BCKDHB: variants seen among roughly 807,000 people sequenced by gnomAD.
The protein encoded by BCKDHB is branched chain keto acid dehydrogenase E1 subunit beta, also known as 2-oxoisovalerate dehydrogenase subunit beta, mitochondrial.
BCKDHB carries 41 observed loss-of-function variants against 48.5 expected under a neutral mutation model. The ratio of observed to expected loss-of-function variants is 0.85; its 90% CI spans 0.66 to 1.10. The LOEUF (loss-of-function observed/expected upper bound fraction) is 1.10. Ranked by LOEUF, BCKDHB falls within the 50% of genes least tolerant of loss-of-function variation. The probability of loss-of-function intolerance (pLI) is 0.00; values close to 1 mark genes in which losing one functional copy is unlikely to be tolerated. For synonymous variants in BCKDHB, 201 were observed against 174.8 expected (o/e 1.15, Z -1.18); for missense variants, 496 against 494.2 (o/e 1.00, Z -0.03).
chr6:80,465,021 G>A, the BCKDHB span, among the ~76,000 whole-genome samples: 5 of 152,180 alleles, frequency 3.3e-5, no homozygotes, highest in African/African-American at 1.2e-4. Flanking sequence ...GAGCTGCCCA[G>A]GTTTTTTTCC....
At chr6:80,271,318 T>C (rs1777732629) in intron 8 of BCKDHB, among the ~76,000 whole-genome samples, 2 of 152,180 alleles carry the variant, frequency 1.3e-5, no homozygotes, top group Admixed American at 1.3e-4. Context: ...TTGGTCTATT[T>C]AGTCATTCCT....
At chr6:80,221,608 C>G (rs1775456351) in intron 8 of BCKDHB, among the ~76,000 whole-genome samples, 1 of 151,890 alleles carries the variant, frequency 6.6e-6, no homozygotes, top group African/African-American at 2.4e-5. Flanking sequence ...CTCTTCTTTT[C>G]TAATCTATAT....
chr6:80,445,343 C>A, the BCKDHB span, among the ~76,000 whole-genome samples: 4 of 152,062 alleles, frequency 2.6e-5, no homozygotes, highest in African/African-American at 9.7e-5. Context: ...ATATATCAAA[C>A]CATTGCTTCA....
At chr6:80,188,540 G>A (rs895494357) in intron 6 of BCKDHB, among the ~76,000 whole-genome samples, 1 of 152,104 alleles carries the variant, frequency 6.6e-6, no homozygotes, top group East Asian at 1.9e-4. Flanking sequence ...TTGCGAGGTT[G>A]AGATGGGAAG....
intron 9 of BCKDHB, among the ~76,000 whole-genome samples, chr6:80,339,539 T>G (rs966764949): frequency 6.6e-6 from 1 of 152,242 alleles, no homozygotes; most frequent in Non-Finnish European, 1.5e-5. Flanking sequence ...CTTTTCTGGC[T>G]ATAATGTGCA....
chr6:80,347,253 A>G (rs1770257081), downstream of BCKDHB, among the ~76,000 whole-genome samples: 1 of 152,212 alleles, frequency 6.6e-6, no homozygotes, highest in South Asian at 2.1e-4. Context: ...TAAAAATAGA[A>G]AAACTTGTAC....
intron 8 of BCKDHB, among the ~76,000 whole-genome samples, chr6:80,242,929 C>A (rs1942702026): frequency 6.6e-6 from 1 of 152,274 alleles, no homozygotes; most frequent in East Asian, 1.9e-4. Flanking sequence ...TTTGAGTGTT[C>A]AGATTGCCAT....
the BCKDHB span, among the ~76,000 whole-genome samples, chr6:80,450,061 T>G: frequency 6.6e-6 from 1 of 152,050 alleles, no homozygotes; most frequent in Non-Finnish European, 1.5e-5. Context: ...TGGTCCCAAG[T>G]TGGTTAACAG....
chr6:80,407,817 T>A, the BCKDHB span, among the ~76,000 whole-genome samples: 4 of 152,180 alleles, frequency 2.6e-5, no homozygotes, highest in African/African-American at 9.7e-5. Flanking sequence ...CAATTTGACT[T>A]CCTCTTTTTC....
At chr6:80,412,424 G>T in the BCKDHB span, among the ~76,000 whole-genome samples, 1 of 151,976 alleles carries the variant, frequency 6.6e-6, no homozygotes, top group African/African-American at 2.4e-5. Flanking sequence ...TAGGATTACA[G>T]ATGTAAGCCA....
intron 6 of BCKDHB, among the ~76,000 whole-genome samples, chr6:80,178,399 C>G (rs1773263763): frequency 6.6e-6 from 1 of 152,184 alleles, no homozygotes; most frequent in Non-Finnish European, 1.5e-5. Context: ...AGAGATGCCT[C>G]TTTTAAGATG....
intron 1 of BCKDHB, among the ~76,000 whole-genome samples, chr6:80,119,163 G>T (rs1372643824): frequency 6.6e-6 from 1 of 152,120 alleles, no homozygotes; most frequent in Non-Finnish European, 1.5e-5. Flanking sequence ...GCTAGCGCAT[G>T]CCTGTAATCC....
intron 8 of BCKDHB, among the ~76,000 whole-genome samples, chr6:80,268,967 T>C (rs1777623796): frequency 6.6e-6 from 1 of 152,124 alleles, no homozygotes; most frequent in South Asian, 2.1e-4. Context: ...TATATACTTC[T>C]GAACTACCTT....
At chr6:80,177,225 C>CAA (rs575991853) in intron 6 of BCKDHB, among the ~76,000 whole-genome samples, 4 of 43,158 alleles carry the variant, frequency 9.3e-5, no homozygotes, top group Admixed American at 3.5e-4. Flanking sequence ...GACCTTGTCT[C>CAA]AAAAAAAAAA....
At chr6:80,341,149 C>A (rs1459691079) in intron 9 of BCKDHB, among the ~76,000 whole-genome samples, 2 of 152,138 alleles carry the variant, frequency 1.3e-5, no homozygotes, top group Non-Finnish European at 2.9e-5. Context: ...CTTGAATTAT[C>A]TTCCATGATT....
At chr6:80,379,463 A>G in the BCKDHB span, among the ~76,000 whole-genome samples, 1 of 152,106 alleles carries the variant, frequency 6.6e-6, no homozygotes, top group Non-Finnish European at 1.5e-5. Context: ...AATAAGAGCC[A>G]TATATGACAA....
chr6:80,187,258 G>A lies in BCKDHB; in HGVS notation c.743-13676G>A, dbSNP rs140657325. ...ATTAAATGTGTTAATACATGTATTT[G>A]GAATCATGCCTGACACATAGTAAAT... On this transcript the variant is annotated intron_variant, in intron 6 of 9. Transcript: ENST00000320393. Among the ~76,000 whole-genome samples, 264 of 152,136 alleles carry A rather than the reference G, an allele frequency of 1.7e-3. 1 individual carries two copies. The highest frequency in any genetic ancestry group is 6.0e-3 in the African/African-American group (250 of 41,498).
At chr6:80,403,470 G>A in the BCKDHB span, among the ~76,000 whole-genome samples, 1 of 151,824 alleles carries the variant, frequency 6.6e-6, no homozygotes, top group Non-Finnish European at 1.5e-5. Flanking sequence ...ATTTAAAATA[G>A]TTTTTTGGTG....
the BCKDHB span, among the ~76,000 whole-genome samples, chr6:80,434,563 G>T: frequency 3.3e-5 from 5 of 151,826 alleles, no homozygotes; most frequent in Non-Finnish European, 7.4e-5. Flanking sequence ...ATTAAATACT[G>T]TTTTTTATTT....
Sources: allele counts gnomAD v4.1 joint callset (sites outside exome capture counted in the v4.1 genomes callset), GRCh38; gene constraint gnomAD v4.1.1; transcripts MANE v1.5; gene names NCBI Gene and HGNC (gene_info 2026-07-23, HGNC 2026-07-21).